Variants in PLXNA4 observed in about 807,000 individuals in gnomAD.
The protein encoded by PLXNA4 is plexin A4, also known as plexin-A4.
In PLXNA4, 44 loss-of-function variants were observed where a neutral mutation model predicts 191.8. The ratio of observed to expected loss-of-function variants is 0.23; its 90% confidence interval spans 0.18 to 0.29. PLXNA4 has a LOEUF of 0.29. Among genes scored for constraint, PLXNA4 ranks in the 10% least tolerant of loss-of-function variants. The pLI is 1.00. For synonymous variants in PLXNA4, 1,082 were observed against 1,009.5 expected (o/e 1.07, Z -1.36); for missense variants, 1,800 against 2,488.8 (o/e 0.72, Z 5.89).
chr7:132,295,632 G>T (rs1390715303), intron 4 of PLXNA4, among the ~76,000 whole-genome samples: 1 of 152,104 alleles, frequency 6.6e-6, no homozygotes. Context: ...AGCAGGCCTG[G>T]GTTCCTGATG....
At chr7:132,525,316 C>T (rs1211895214) in intron 1 of PLXNA4, among the ~76,000 whole-genome samples, 1 of 152,196 alleles carries the variant, frequency 6.6e-6, no homozygotes, top group African/African-American at 2.4e-5. Context: ...GTGGCATAAT[C>T]ACGGCTCACT....
At chr7:132,265,317 T>C (rs1346522307) in intron 4 of PLXNA4, among the ~76,000 whole-genome samples, 1 of 152,252 alleles carries the variant, frequency 6.6e-6, no homozygotes, top group Non-Finnish European at 1.5e-5. Flanking sequence ...ACTATTTTGT[T>C]TACCAATTAT....
At chr7:132,633,234 C>T (rs945261309) in intron 2 of PLXNA4, among the ~76,000 whole-genome samples, 1 of 151,362 alleles carries the variant, frequency 6.6e-6, no homozygotes, top group African/African-American at 2.4e-5. Context: ...GGAGGACAAA[C>T]ACAATTTGCT....
intron 2 of PLXNA4, among the ~76,000 whole-genome samples, chr7:132,502,629 C>T (rs1370023334): frequency 6.6e-6 from 1 of 152,186 alleles, no homozygotes; most frequent in Non-Finnish European, 1.5e-5. Context: ...CTAGCACACT[C>T]TTGTGAAACA....
intron 4 of PLXNA4, among the ~76,000 whole-genome samples, chr7:132,272,862 C>T (rs1236990893): frequency 2.0e-5 from 3 of 151,316 alleles, no homozygotes; most frequent in Non-Finnish European, 2.9e-5. Context: ...TCCTTAAGAA[C>T]GTTCTTCATC....
At chr7:132,565,466 T>C (rs1482879886) in intron 1 of PLXNA4, among the ~76,000 whole-genome samples, 1 of 152,192 alleles carries the variant, frequency 6.6e-6, no homozygotes, top group East Asian at 1.9e-4. Context: ...ATAACTTACA[T>C]AAATGATTTC....
At chr7:132,275,986 G>A (rs1800262564) in intron 4 of PLXNA4, among the ~76,000 whole-genome samples, 1 of 152,192 alleles carries the variant, frequency 6.6e-6, no homozygotes, top group African/African-American at 2.4e-5. Flanking sequence ...TGCAGAAAGA[G>A]CTTCCTGGGC....
intron 30 of PLXNA4, among the ~76,000 whole-genome samples, chr7:132,136,346 C>A (rs1795112186): frequency 6.6e-6 from 1 of 152,190 alleles, no homozygotes. Flanking sequence ...GGAACCTGGG[C>A]CCCTGTGCTT....
chr7:132,608,244 T>A (rs2116850355), intron 2 of PLXNA4, among the ~76,000 whole-genome samples: 1 of 136,880 alleles, frequency 7.3e-6, no homozygotes. Flanking sequence ...TCCTCATTAT[T>A]CCATGGGGAT....
intron 1 of PLXNA4, among the ~76,000 whole-genome samples, chr7:132,546,622 G>A (rs529020109): frequency 3.3e-5 from 5 of 152,186 alleles, no homozygotes; most frequent in Admixed American, 3.3e-4. Flanking sequence ...ATACACTGGA[G>A]AGCAGAGGGG....
rs190931966 is a variant in PLXNA4, at chr7:132,594,613, A to G, written c.-87+51315T>C. 5.7e-3 allele frequency among the ~76,000 whole-genome samples: 865 copies of G among 152,326 alleles called. 7 individuals are homozygous for G. The highest frequency in any genetic ancestry group is 0.041 in the Middle Eastern group (12 of 294). On this transcript the variant is annotated intron_variant, in intron 2 of 4. Transcript: ENST00000378539. ...TTCGTGGCAGCACACTTTGAAAACC[A>G]TGGTGTGATCTCCAAGGTCCCTCCA...
chr7:132,572,011 T>C (rs192204801), intron 1 of PLXNA4, among the ~76,000 whole-genome samples: 86 of 152,218 alleles, frequency 5.6e-4, no homozygotes, highest in African/African-American at 2.0e-3. Flanking sequence ...AGTGAATAAA[T>C]ACATTTGCCT....
rs895600297 is a variant in PLXNA4 at position 132,336,597 on chromosome 7, G to T, written c.1372-38375C>A. 7.2e-5 allele frequency among the ~76,000 whole-genome samples: 11 copies of T among 152,236 alleles called. No individual in the cohort carries two copies. The South Asian group carries it at 8.3e-4, about 11-fold the overall frequency. On this transcript the variant is annotated intron_variant, in intron 3 of 31. Coordinates refer to ENST00000321063, the MANE Select transcript of PLXNA4 (RefSeq NM_020911.2). ...AGCACTTATTGAGCATCTACTATGT[G>T]CTAGGTGCTTGGTTCCAGAACCTCA...
intron 29 of PLXNA4, among the ~76,000 whole-genome samples, chr7:132,141,272 T>C (rs1795261015): frequency 6.6e-6 from 1 of 152,184 alleles, no homozygotes; most frequent in African/African-American, 2.4e-5. Flanking sequence ...ACTGTATGAC[T>C]TGGCAGAAGT....
intron 4 of PLXNA4, among the ~76,000 whole-genome samples, chr7:132,258,062 A>G (rs1265838498): frequency 6.6e-6 from 1 of 152,242 alleles, no homozygotes; most frequent in African/African-American, 2.4e-5. Flanking sequence ...TCCACCCCGT[A>G]GGGCCCATCT....
intron 25 of PLXNA4, among the ~76,000 whole-genome samples, chr7:132,156,028 G>A (rs1795780858): frequency 6.6e-6 from 1 of 151,826 alleles, no homozygotes; most frequent in Non-Finnish European, 1.5e-5. Flanking sequence ...CCTCCTCCCT[G>A]GGTCTCCAGC....
intron 2 of PLXNA4, among the ~76,000 whole-genome samples, chr7:132,620,804 G>A (rs992352217): frequency 6.6e-6 from 1 of 152,026 alleles, no homozygotes; most frequent in East Asian, 1.9e-4. Flanking sequence ...TGTCTTAGTC[G>A]TTCGGGCTGC....
chr7:132,266,681 C>CTTGGG (rs2116295741), intron 4 of PLXNA4, among the ~76,000 whole-genome samples: 1 of 152,310 alleles, frequency 6.6e-6, no homozygotes, highest in African/African-American at 2.4e-5. Flanking sequence ...GGCTTGAGAA[C>CTTGGG]TTGGGTGGTT....
At chr7:132,519,787 T>C (rs1347112514) in intron 1 of PLXNA4, among the ~76,000 whole-genome samples, 1 of 152,206 alleles carries the variant, frequency 6.6e-6, no homozygotes, top group African/African-American at 2.4e-5. Context: ...CCTCTCAGAA[T>C]TGCCATGGCC....
Sources: allele counts gnomAD v4.1 joint callset (sites outside exome capture counted in the v4.1 genomes callset), GRCh38; gene constraint gnomAD v4.1.1; transcripts MANE v1.5; gene names NCBI Gene and HGNC (gene_info 2026-07-23, HGNC 2026-07-21).